Variants in PPP2R2B observed in about 807,000 individuals in gnomAD.
The protein encoded by PPP2R2B is protein phosphatase 2 regulatory subunit Bbeta, also known as serine/threonine-protein phosphatase 2A 55 kDa regulatory subunit B beta isoform.
In PPP2R2B, 5 loss-of-function variants were observed where a neutral mutation model predicts 46.0. The observed-to-expected ratio is 0.11, with a 90% CI of 0.06 to 0.23. The LOEUF is 0.23. Ranked by LOEUF, PPP2R2B falls within the 10% of genes least tolerant of loss-of-function variation. The pLI, the probability that PPP2R2B is intolerant of heterozygous loss-of-function variation, is 1.00. For missense variants in PPP2R2B, 367 were observed against 575.0 expected (o/e 0.64, Z 3.70); for synonymous variants, 215 against 206.7 (o/e 1.04, Z -0.34).
At chr5:146,710,662 AG>A (rs1398494691) in intron 2 of PPP2R2B, among the ~76,000 whole-genome samples, 1 of 152,258 alleles carries the variant, frequency 6.6e-6, no homozygotes, top group African/African-American at 2.4e-5. Flanking sequence ...TTTTTCAAAA[AG>A]CAGAGGAGTA....
In PPP2R2B at chr5:146,674,003, A is replaced by T. The variant is rs140603337; in HGVS notation, c.447+17125T>A. Among the ~76,000 whole-genome samples the T allele has an allele frequency of 3.2e-3, 491 of 152,282 alleles. 2 individuals carry two copies. Among genetic ancestry groups the T allele is most frequent in the South Asian group, 0.012 (60 of 4,826 alleles). The stretch of plus-strand genomic sequence containing the variant: ...TAGGCAAATAAACTCTGACCATACG[A>T]CCAAGTTAGAAGTCTCTTCCCTCTT... On this transcript the variant is annotated intron_variant, in intron 5 of 9. Coordinates refer to ENST00000394411, the MANE Select transcript of PPP2R2B (RefSeq NM_181675.4).
At chr5:146,709,402 T>C (rs1780089514) in intron 2 of PPP2R2B, among the ~76,000 whole-genome samples, 1 of 152,196 alleles carries the variant, frequency 6.6e-6, no homozygotes, top group South Asian at 2.1e-4. Context: ...CTTCCTTGCC[T>C]GCCTCCTACT....
chr5:146,823,520 C>T (rs182091937), intron 2 of PPP2R2B, among the ~76,000 whole-genome samples: 1 of 152,082 alleles, frequency 6.6e-6, no homozygotes, highest in Non-Finnish European at 1.5e-5. Flanking sequence ...GACGGCACAC[C>T]ACATAACGAG....
At chr5:146,870,495 C>T (rs927218769) in intron 2 of PPP2R2B, among the ~76,000 whole-genome samples, 1 of 152,166 alleles carries the variant, frequency 6.6e-6, no homozygotes. Context: ...CACCAGAAAC[C>T]AACCATGCTG....
Position 147,004,659 on chromosome 5 carries a change from TA to T in PPP2R2B, c.79+51005del, listed in dbSNP as rs1332351329. 7.2e-5 allele frequency among the ~76,000 whole-genome samples: 11 copies of T among 152,302 alleles called. No individual in the cohort carries two copies. In the East Asian group the frequency reaches 2.1e-3, roughly 29 times the overall value. ...AAGCTGGAGCTATTATCTACATGAA[TA>T]TGGAGAACGAGTTACCCATTTGTTG... On this transcript the variant is annotated intron_variant, in intron 1 of 8. Coordinates refer to the PPP2R2B transcript ENST00000336640.
In PPP2R2B at chr5:146,688,719, T is replaced by C. The variant is rs184297996; in HGVS notation, c.447+2409A>G. Among the ~76,000 whole-genome samples the C allele has an allele frequency of 1.2e-3, 175 of 152,098 alleles. 1 individual carries two copies. The highest frequency in any genetic ancestry group is 2.2e-4 in the Non-Finnish European group (15 of 67,988). On this transcript the variant is annotated intron_variant, in intron 5 of 9. Coordinates refer to ENST00000394411, the MANE Select transcript of PPP2R2B (RefSeq NM_181675.4). ...CTGAATAGACCTTCTTTGCTCTTTA[T>C]CATAGGGATGGAATTCTCCCAGGGG... is the stretch of plus-strand genomic sequence containing the variant.
rs1561935089 is a variant in PPP2R2B at position 146,822,534 on chromosome 5, G to GTT, written c.70+55467_70+55468insAA. Among the ~76,000 whole-genome samples, 241 of 133,924 alleles carry GTT rather than the reference G, an allele frequency of 1.8e-3. 1 individual carries two copies. The highest frequency in any genetic ancestry group is 6.4e-3 in the African/African-American group (227 of 35,438). The allele number at this position is 133,924 out of a possible 152,430, so 87.9% of individuals were successfully genotyped here. Reference sequence around the variant, plus strand: ...CATTCCCTAAATTTTCTTCATTTTTGGTTTTTTTTTTTTTTTTGCTTTTTA... The same window carrying GTT: ...CATTCCCTAAATTTTCTTCATTTTTGTTGTTTTTTTTTTTTTTTTGCTTTTTA... On this transcript the variant is annotated intron_variant, in intron 2 of 9. Coordinates refer to ENST00000394411, the MANE Select transcript of PPP2R2B (RefSeq NM_181675.4).
chr5:146,794,885 G>A (rs1248548675), intron 2 of PPP2R2B, among the ~76,000 whole-genome samples: 1 of 152,112 alleles, frequency 6.6e-6, no homozygotes, highest in Non-Finnish European at 1.5e-5. Flanking sequence ...TCCACTGGGA[G>A]GCAATCAAAT....
intron 1 of PPP2R2B, among the ~76,000 whole-genome samples, chr5:147,000,958 C>T (rs1475567794): frequency 6.6e-6 from 1 of 152,240 alleles, no homozygotes; most frequent in East Asian, 1.9e-4. Flanking sequence ...CAATTTGTCC[C>T]TGGTGGGTTT....
At chr5:147,009,358 CT>C (rs1561573696) in intron 1 of PPP2R2B, among the ~76,000 whole-genome samples, 1 of 152,058 alleles carries the variant, frequency 6.6e-6, no homozygotes, top group African/African-American at 2.4e-5. Flanking sequence ...TCCCTTTTGC[CT>C]ATATACTTCT....
chr5:146,958,559 C>T (rs923267453), intron 1 of PPP2R2B, among the ~76,000 whole-genome samples: 2 of 152,114 alleles, frequency 1.3e-5, no homozygotes, highest in Admixed American at 6.6e-5. Flanking sequence ...TGTATTGTCA[C>T]GATTTTCATT....
intron 2 of PPP2R2B, among the ~76,000 whole-genome samples, chr5:146,749,917 G>T (rs188150879): frequency 2.0e-4 from 31 of 152,032 alleles, no homozygotes; most frequent in South Asian, 1.9e-3. Context: ...TTTTTTCTAA[G>T]AATTTTATAG....
At chr5:146,812,155 G>A (rs1267676928) in intron 2 of PPP2R2B, among the ~76,000 whole-genome samples, 1 of 151,796 alleles carries the variant, frequency 6.6e-6, no homozygotes, top group African/African-American at 2.4e-5. Context: ...CTGAACCTTA[G>A]TTTCCCTCTT....
intron 1 of PPP2R2B, among the ~76,000 whole-genome samples, chr5:146,976,966 T>G (rs1752939436): frequency 6.6e-6 from 1 of 152,198 alleles, no homozygotes; most frequent in Non-Finnish European, 1.5e-5. Flanking sequence ...TCTCTATATA[T>G]GTTTCTCCTG....
intron 1 of PPP2R2B, among the ~76,000 whole-genome samples, chr5:146,910,116 T>C (rs182696003): frequency 1.3e-3 from 192 of 152,354 alleles, no homozygotes; most frequent in African/African-American, 3.8e-3. Flanking sequence ...TTTCATTCTC[T>C]GAATTCATTT....
chr5:146,931,538 C>G (rs2151822231), intron 1 of PPP2R2B, among the ~76,000 whole-genome samples: 1 of 152,290 alleles, frequency 6.6e-6, no homozygotes, highest in African/African-American at 2.4e-5. Flanking sequence ...GAGATTTACT[C>G]AGATGTCATC....
chr5:146,698,091 C>G lies in PPP2R2B; in HGVS notation c.222G>C (p.Gln74His). ...RGEYNVYSTFQSHEPEFDYLK... is the reference protein window; with the variant it reads ...RGEYNVYSTFHSHEPEFDYLK... ...GGTAATCGAACTCGGGTTCATGGCT[C>G]TGGAATGTGCTGTAAACATTGTATT... The change falls in exon 4 of 10, where the codon CAG (glutamine) becomes CAC (histidine). Residue 74 changes from glutamine to histidine, a missense_variant. By Grantham distance (24) the Gln-to-His change is conservative. Around this residue, in one of 2 missense-constraint regions of PPP2R2B, gnomAD observed 361 missense variants for 545.5 expected, o/e 0.66. Transcript: ENST00000394411. 6.2e-7 allele frequency: 1 copy of G among 1,612,396 alleles called. No homozygotes were observed. Among genetic ancestry groups the G allele is most frequent in the Non-Finnish European group, 8.5e-7 (1 of 1,179,442 alleles).
At chr5:146,745,047 C>T (rs752818695) in intron 2 of PPP2R2B, among the ~76,000 whole-genome samples, 2 of 152,044 alleles carry the variant, frequency 1.3e-5, no homozygotes, top group African/African-American at 2.4e-5. Context: ...GACCAAAACC[C>T]TTTAGTTGCT....
intron 2 of PPP2R2B, among the ~76,000 whole-genome samples, chr5:146,711,014 T>C (rs139090446): frequency 7.7e-4 from 118 of 152,356 alleles, no homozygotes; most frequent in African/African-American, 2.7e-3. Flanking sequence ...TGACTTCTTT[T>C]AAGCCCAACA....
Sources: gnomAD v4.1 joint callset for allele counts (sites outside exome capture counted in the v4.1 genomes callset) on GRCh38, gnomAD v4.1.1 for gene constraint, gnomAD v4.1.1 regional missense constraint, MANE v1.5 for transcripts, NCBI Gene and HGNC (gene_info 2026-07-23, HGNC 2026-07-21) for gene names.